Variants in SLC26A7 observed in about 807,000 individuals in gnomAD.
SLC26A7 encodes solute carrier family 26 member 7, also known as anion exchange transporter.
Under a neutral mutation model 82.5 loss-of-function variants are expected in SLC26A7, and 59 were observed. That is an observed-to-expected ratio of 0.72 (90% confidence interval 0.58 to 0.89). The LOEUF (loss-of-function observed/expected upper bound fraction) is 0.89. SLC26A7 is among the 40% of genes least tolerant of loss of function. The pLI is 0.00. For missense variants in SLC26A7, 820 were observed against 793.0 expected, an observed-to-expected ratio of 1.03 and a Z score of -0.41; for synonymous variants, 271 against 274.3, an observed-to-expected ratio of 0.99 and a Z score of 0.12.
chr8:91,254,478 C>T (rs1342664898), intron 2 of SLC26A7, among the ~76,000 whole-genome samples: 4 of 152,084 alleles, frequency 2.6e-5, no homozygotes, highest in African/African-American at 9.7e-5. Context: ...AGCTTCTTCA[C>T]CTAAGACCAC....
chr8:91,257,380 C>G (rs1226594192), intron 2 of SLC26A7, among the ~76,000 whole-genome samples: 1 of 152,122 alleles, frequency 6.6e-6, no homozygotes, highest in Non-Finnish European at 1.5e-5. Context: ...CCTCTTGTCT[C>G]AGCTCTGTTT....
intron 4 of SLC26A7, among the ~76,000 whole-genome samples, chr8:91,304,741 C>T (rs1812257450): frequency 6.6e-6 from 1 of 152,144 alleles, no homozygotes; most frequent in Non-Finnish European, 1.5e-5. Context: ...ACTTCTAGGG[C>T]CAGGCATTGT....
intron 6 of SLC26A7, among the ~76,000 whole-genome samples, chr8:91,337,752 T>C (rs1250997290): frequency 1.3e-5 from 2 of 152,204 alleles, no homozygotes; most frequent in Non-Finnish European, 2.9e-5. Flanking sequence ...GAAAGGCTGC[T>C]GTCATGGAGA....
At chr8:91,394,158 AC>A (rs1242631191) in intron 18 of SLC26A7, 119 bp downstream of exon 18, 1 of 1,597,884 alleles carries the variant, frequency 6.3e-7, no homozygotes, top group Non-Finnish European at 8.6e-7. Flanking sequence ...TTAGCCCCCC[AC>A]CCCACCCCAC....
chr8:91,381,890 T>A (rs1242617073), intron 15 of SLC26A7, among the ~76,000 whole-genome samples: 1 of 152,178 alleles, frequency 6.6e-6, no homozygotes, highest in Non-Finnish European at 1.5e-5. Context: ...TACCTTTACA[T>A]TTTTACTTCT....
intron 2 of SLC26A7, among the ~76,000 whole-genome samples, chr8:91,239,502 A>G (rs528101767): frequency 4.6e-5 from 7 of 151,228 alleles, no homozygotes; most frequent in African/African-American, 1.7e-4. Context: ...GTACATATAT[A>G]TACACATATA....
chr8:91,277,151 A>G (rs894190990), intron 2 of SLC26A7, among the ~76,000 whole-genome samples: 5 of 152,164 alleles, frequency 3.3e-5, no homozygotes, highest in Non-Finnish European at 5.9e-5. Context: ...CACCCTCAGG[A>G]ACCCCTCTTT....
rs1808536076 is a variant in SLC26A7 at position 91,395,225 on chromosome 8, A to C, written c.*128A>C. 1 of 1,498,688 alleles carries C rather than the reference A, an allele frequency of 6.7e-7. No homozygotes were observed. The highest frequency in any genetic ancestry group is 2.4e-5 in the Admixed American group (1 of 41,892). The allele number at this position is 1,498,688 out of a possible 1,614,324, so 92.8% of individuals were successfully genotyped here. On this transcript the variant is annotated 3_prime_UTR_variant, in exon 19 of 19. Transcript: ENST00000276609. ...CCTCTGCTACAATAAGTACGATGTGACTTAGTAACTGCATAGCAGTTGGAA... is the reference window on the plus strand; with the variant it reads ...CCTCTGCTACAATAAGTACGATGTGCCTTAGTAACTGCATAGCAGTTGGAA...
intron 9 of SLC26A7, among the ~76,000 whole-genome samples, chr8:91,349,973 C>T (rs1204909350): frequency 3.3e-5 from 5 of 152,082 alleles, no homozygotes; most frequent in Non-Finnish European, 4.4e-5. Flanking sequence ...TTTAAAAATT[C>T]TTATGTAAAA....
At chr8:91,222,863 G>A (rs1361492568) in intron 2 of SLC26A7, among the ~76,000 whole-genome samples, 1 of 152,152 alleles carries the variant, frequency 6.6e-6, no homozygotes, top group Admixed American at 6.6e-5. Flanking sequence ...TAAAATGAGC[G>A]AGGAGTCCCT....
At position 91,310,255 on chromosome 8, in the gene SLC26A7, C is replaced by T. The variant is rs113422649; in HGVS notation, c.478-7961C>T. ...ATTTCCGCCAACAGGCGTCAAAGAC[C>T]CCAATTTTTTTGGAGAAAATGGAGA... On this transcript the variant is annotated intron_variant, in intron 4 of 18. Transcript: ENST00000276609. 1.5e-3 allele frequency among the ~76,000 whole-genome samples: 224 copies of T among 152,176 alleles called. 2 individuals are homozygous for T. Among genetic ancestry groups the T allele is most frequent in the African/African-American group, 5.3e-3 (221 of 41,522 alleles).
chr8:91,213,147 G>T (rs564666157), intron 1 of SLC26A7, among the ~76,000 whole-genome samples: 1 of 152,170 alleles, frequency 6.6e-6, no homozygotes, highest in East Asian at 1.9e-4. Flanking sequence ...GATTATGCAG[G>T]GGGTGCTGTG....
intron 9 of SLC26A7, chr8:91,344,288 T>A: frequency 1.2e-6 from 1 of 806,844 alleles, no homozygotes; most frequent in Non-Finnish European, 1.5e-6. Flanking sequence ...ATAGAGGTAG[T>A]AAATGGCAGA....
chr8:91,333,446 C>T (rs1034442292), intron 5 of SLC26A7, among the ~76,000 whole-genome samples: 1 of 151,880 alleles, frequency 6.6e-6, no homozygotes, highest in Admixed American at 6.6e-5. Flanking sequence ...AGTCATGCAC[C>T]CCTCCCCTCA....
intron 12 of SLC26A7, 48 bp from the exon 13 acceptor site, chr8:91,363,424 A>T (rs895735146): frequency 2.5e-6 from 3 of 1,195,020 alleles, no homozygotes; most frequent in Admixed American, 4.3e-5. Context: ...TTGTTTATAT[A>T]ATGATTAGGA....
At chr8:91,360,041 T>G (rs1327369324) in intron 11 of SLC26A7, among the ~76,000 whole-genome samples, 1 of 152,116 alleles carries the variant, frequency 6.6e-6, no homozygotes, top group Non-Finnish European at 1.5e-5. Context: ...TGGTCAAAAC[T>G]CTCTTTGAAG....
At position 91,220,388 on chromosome 8, in the gene SLC26A7, TA is replaced by T. The variant is rs59098803; in HGVS notation, c.-34+1395del. ...TTTTGTTTTTTTTCTTTATTTCTTC[TA>T]AAAAAAAAAAACTGGGATACATGTG... On this transcript the variant is annotated intron_variant, in intron 2 of 5. Transcript: ENST00000522862. Among the ~76,000 whole-genome samples, 1,042 of 144,568 alleles carry T rather than the reference TA, an allele frequency of 7.2e-3. 9 individuals carry two copies. Among genetic ancestry groups the T allele is most frequent in the Non-Finnish European group, 0.011 (746 of 65,520 alleles). The allele number at this position is 144,568 out of a possible 152,430, so 94.8% of individuals were successfully genotyped here. A position where few individuals can be genotyped will look rare whatever the true frequency, so the allele number is the denominator to read the frequency against.
intron 2 of SLC26A7, among the ~76,000 whole-genome samples, chr8:91,286,720 AGC>A (rs1811721655): frequency 6.6e-6 from 1 of 152,166 alleles, no homozygotes; most frequent in African/African-American, 2.4e-5. Context: ...CTAATTTGTT[AGC>A]GACTTATTAA....
At chr8:91,303,930 C>A (rs1400026177) in intron 4 of SLC26A7, among the ~76,000 whole-genome samples, 1 of 152,188 alleles carries the variant, frequency 6.6e-6, no homozygotes, top group African/African-American at 2.4e-5. Context: ...ACCATTACAG[C>A]AGAAAGTCAT....
Sources: allele counts gnomAD v4.1 joint callset (sites outside exome capture counted in the v4.1 genomes callset), GRCh38; gene constraint gnomAD v4.1.1; transcripts MANE v1.5; gene names NCBI Gene and HGNC (gene_info 2026-07-23, HGNC 2026-07-21).